The following MDFIC variants were observed in gnomAD, a reference collection of about 807,000 sequenced individuals.
The protein encoded by MDFIC is MyoD family inhibitor domain containing.
MDFIC carries 17 observed loss-of-function variants against 23.2 expected under a neutral mutation model. The ratio of observed to expected loss-of-function variants is 0.73; its 90% CI spans 0.50 to 1.10. The LOEUF is 1.10. Among genes scored for constraint, MDFIC ranks in the 50% least tolerant of loss-of-function variants. The pLI is 0.00. For missense variants in MDFIC, 356 were observed against 316.6 expected (o/e 1.12, Z -0.95); for synonymous variants, 120 against 115.2 (o/e 1.04, Z -0.27).
At chr7:114,942,207 G>A (rs1792555223) in intron 2 of MDFIC, 68 bp from the exon 3 acceptor site, 2 of 1,018,428 alleles carry the variant, frequency 2.0e-6, no homozygotes, top group South Asian at 2.2e-5. Flanking sequence ...TTAGAAAAAT[G>A]TATATACTAA....
chr7:114,941,837 CACT>C (rs1792546134), intron 2 of MDFIC, among the ~76,000 whole-genome samples: 2 of 152,150 alleles, frequency 1.3e-5, no homozygotes, highest in Non-Finnish European at 2.9e-5. Context: ...TATACCTCCT[CACT>C]ACTCAGTCAC....
intron 3 of MDFIC, among the ~76,000 whole-genome samples, chr7:114,942,816 T>C (rs1384891445): frequency 6.6e-6 from 1 of 152,204 alleles, no homozygotes; most frequent in Non-Finnish European, 1.5e-5. Context: ...ATTTTATCAC[T>C]GTTTGTTAAA....
At chr7:114,922,814 C>T (rs1792111582) in intron 1 of MDFIC, 113 bp from the exon 2 acceptor site, 1 of 1,369,268 alleles carries the variant, frequency 7.3e-7, no homozygotes, top group Admixed American at 2.7e-5. Flanking sequence ...ATCAAAACTT[C>T]CCCGGGGTGG....
intron 2 of MDFIC, among the ~76,000 whole-genome samples, chr7:114,927,437 C>T (rs1219021015): frequency 1.3e-5 from 2 of 150,502 alleles, no homozygotes; most frequent in Non-Finnish European, 2.9e-5. Flanking sequence ...ATAATCCTCT[C>T]TAAGATTTTT....
chr7:114,999,840 A>C (rs1370944374), intron 4 of MDFIC, among the ~76,000 whole-genome samples: 2 of 152,244 alleles, frequency 1.3e-5, no homozygotes, highest in East Asian at 3.9e-4. Flanking sequence ...CTTTAAATTA[A>C]ATTTGTTATT....
At chr7:115,014,621 A>C in intron 4 of MDFIC, 1 of 1,002,238 alleles carries the variant, frequency 1.0e-6, no homozygotes, top group South Asian at 2.0e-5. Context: ...GTACAAAAAC[A>C]AAAAAACAAG....
chr7:114,959,626 G>A (rs1792947271), intron 3 of MDFIC, among the ~76,000 whole-genome samples: 6 of 151,908 alleles, frequency 3.9e-5, no homozygotes, highest in Admixed American at 3.9e-4. Flanking sequence ...AGTTAGTCAG[G>A]CCTATTGCAG....
At chr7:114,963,855 C>T (rs548062991) in intron 3 of MDFIC, among the ~76,000 whole-genome samples, 1 of 152,288 alleles carries the variant, frequency 6.6e-6, no homozygotes, top group East Asian at 1.9e-4. Flanking sequence ...GCTGGGATTA[C>T]AGGTGTGAGC....
chr7:114,972,818 AT>A (rs1290409048), intron 3 of MDFIC, among the ~76,000 whole-genome samples: 7 of 151,768 alleles, frequency 4.6e-5, no homozygotes, highest in African/African-American at 1.7e-4. Flanking sequence ...GAGTTTCACT[AT>A]GTTGCTCTGG....
chr7:114,948,172 G>A lies in MDFIC; in HGVS notation c.217+5775G>A, dbSNP rs564057915. Among the ~76,000 whole-genome samples, 10 of 152,136 alleles carry A rather than the reference G, an allele frequency of 6.6e-5. No individual in the cohort carries two copies. The South Asian group carries it at 1.9e-3, about 28-fold the overall frequency. ...CTACCTTGCCTCTATTATTTCAGAC[G>A]TTAAGGTCCTGAGATGAAGGTTCTA... On this transcript the variant is annotated intron_variant, in intron 3 of 4. Coordinates refer to ENST00000393486, the MANE Select transcript of MDFIC (RefSeq NM_001166345.3).
chr7:115,015,669 C>A lies in MDFIC; in HGVS notation c.494-19C>A. 5 of 1,612,516 alleles carry A rather than the reference C, an allele frequency of 3.1e-6. No individual in the cohort carries two copies. The highest frequency in any genetic ancestry group is 4.2e-6 in the Non-Finnish European group (5 of 1,178,814). On this transcript the variant is annotated intron_variant, in intron 4 of 4. Transcript: ENST00000393486. ...CTCCTTTTTCTCACTATATGGTCTC[C>A]TCATCACTGAAAATGAAGATTGTTG... is the stretch of plus-strand genomic sequence containing the variant.
intron 3 of MDFIC, among the ~76,000 whole-genome samples, chr7:114,962,997 C>A (rs1044640442): frequency 2.6e-5 from 4 of 152,144 alleles, no homozygotes; most frequent in Non-Finnish European, 5.9e-5. Flanking sequence ...TATAAAATTT[C>A]TGAAAGTGTT....
chr7:114,945,485 T>TAGAAAACACCACGC (rs1792626905), intron 3 of MDFIC, among the ~76,000 whole-genome samples: 1 of 152,228 alleles, frequency 6.6e-6, no homozygotes, highest in Non-Finnish European at 1.5e-5. Flanking sequence ...CTGGTCCACG[T>TAGAAAACACCACGC]AGAAAACATT....
At chr7:114,933,091 G>T (rs1792350386) in intron 2 of MDFIC, among the ~76,000 whole-genome samples, 2 of 152,202 alleles carry the variant, frequency 1.3e-5, no homozygotes, top group Non-Finnish European at 2.9e-5. Flanking sequence ...CTTAACTAGA[G>T]AGCTTGAGAC....
In MDFIC at chr7:114,930,654, A is replaced by G. The variant is rs1450630475; in HGVS notation, c.94+7527A>G. 4.6e-5 allele frequency among the ~76,000 whole-genome samples: 7 copies of G among 152,170 alleles called. No homozygotes were observed. The East Asian group carries it at 1.3e-3, about 29-fold the overall frequency. On this transcript the variant is annotated intron_variant, in intron 2 of 4. Coordinates refer to ENST00000393486, the MANE Select transcript of MDFIC (RefSeq NM_001166345.3). ...CCTAATAACAGTGTGCAATTATTTT[A>G]TTGGATTATGTTTCTATAATAATAA...
intron 4 of MDFIC, among the ~76,000 whole-genome samples, chr7:114,995,571 C>A (rs981043526): frequency 6.6e-6 from 1 of 152,194 alleles, no homozygotes; most frequent in Non-Finnish European, 1.5e-5. Context: ...ACAGTCAGGA[C>A]CCTCAGCTGC....
In MDFIC at chr7:114,979,555, T is replaced by C. The variant is rs995785258; in HGVS notation, c.267T>C (p.Ser89=). ...TTCAGACTTCAGCCCAGGTGCCAAG[T>C]GGTGAGGAAATAGGCAAGATAAAGA... ...PQLQTSAQVP[S]GEEIGKIKNG... is the part of the protein sequence containing the mutation. The change falls in exon 4 of 5, where the codon AGT becomes AGC. Residue 89 remains serine (S), a synonymous_variant. Coordinates refer to ENST00000393486, the MANE Select transcript of MDFIC (RefSeq NM_001166345.3). The C allele has an allele frequency of 1.2e-6, 2 of 1,613,742 alleles. No individual in the cohort carries two copies. Among genetic ancestry groups the C allele is most frequent in the African/African-American group, 1.3e-5 (1 of 74,864 alleles).
intron 2 of MDFIC, among the ~76,000 whole-genome samples, chr7:114,924,078 C>T (rs1355990305): frequency 6.6e-6 from 1 of 152,144 alleles, no homozygotes; most frequent in Non-Finnish European, 1.5e-5. Flanking sequence ...CAGAAAACAT[C>T]TTGGTTAAAT....
At chr7:114,936,663 G>C (rs553309629) in intron 2 of MDFIC, among the ~76,000 whole-genome samples, 11 of 152,252 alleles carry the variant, frequency 7.2e-5, no homozygotes, top group African/African-American at 2.6e-4. Flanking sequence ...TGAGTATTGC[G>C]ATAGACGTTT....
Sources: allele counts gnomAD v4.1 joint callset (sites outside exome capture counted in the v4.1 genomes callset), GRCh38; gene constraint gnomAD v4.1.1; transcripts MANE v1.5; gene names NCBI Gene and HGNC (gene_info 2026-07-23, HGNC 2026-07-21).